CIT: variants seen among roughly 807,000 people sequenced by gnomAD.
CIT encodes citron Rho-interacting kinase.
A neutral mutation model predicts 272.7 loss-of-function variants in CIT; 79 were observed. The ratio of observed to expected loss-of-function variants is 0.29; its 90% CI spans 0.24 to 0.35. The LOEUF is 0.35. Ranked by LOEUF, CIT falls within the 10% of genes least tolerant of loss-of-function variation. CIT has a pLI of 1.00. For missense variants in CIT, 1,909 were observed against 2,618.3 expected (o/e 0.73, Z 5.91); for synonymous variants, 948 against 995.6 (o/e 0.95, Z 0.90).
At chr12:119,860,274 C>T (rs1950298316) in intron 3 of CIT, among the ~76,000 whole-genome samples, 1 of 152,148 alleles carries the variant, frequency 6.6e-6, no homozygotes, top group South Asian at 2.1e-4. Context: ...AATACACCTT[C>T]CCTTGGTCCC....
rs116401001 is a variant in CIT at position 119,873,428 on chromosome 12, C to T, written c.96+2645G>A. Among the ~76,000 whole-genome samples, 1,190 of 152,080 alleles carry T rather than the reference C, an allele frequency of 7.8e-3. 13 individuals are homozygous for T. The highest frequency in any genetic ancestry group is 0.027 in the African/African-American group (1,123 of 41,478). On this transcript the variant is annotated intron_variant, in intron 2 of 47. Transcript: ENST00000392521. ...GAGTAGCTGGGACTACAGGCACACA[C>T]CATCACAGTCAGCTATTTTTTGTGT...
rs144367821 is a variant in CIT, at chr12:119,710,561, G to A, written c.4914C>T (p.Cys1638=). Residue 1638 remains cysteine, a synonymous_variant, in exon 38 of 48, where the codon TGC becomes TGT. Transcript: ENST00000392521. This position sits in a 1 kb window ranked among gnomAD's most constrained non-coding sequence, Gnocchi z 5.6. ...LEGDDRLDMN[C]TLPFSDQVVL... is the part of the protein sequence containing the mutation. ...TTACCTGGTCACTGAAGGGCAGCGT[G>A]CAGTTCATGTCTAGACGGTCATCAC... The A allele has an allele frequency of 4.0e-5, 64 of 1,614,120 alleles. 1 individual carries two copies. Among genetic ancestry groups the A allele is most frequent in the Non-Finnish European group, 4.8e-5 (57 of 1,180,048 alleles).
chr12:119,863,318 A>G (rs1259107613), intron 3 of CIT, among the ~76,000 whole-genome samples: 1 of 152,026 alleles, frequency 6.6e-6, no homozygotes, highest in African/African-American at 2.4e-5. Context: ...GGATGAGAAC[A>G]CAAGGACACT....
intron 44 of CIT, chr12:119,699,664 CA>C (rs1414132033): frequency 1.0e-5 from 4 of 387,684 alleles, no homozygotes; most frequent in Non-Finnish European, 2.1e-5. Flanking sequence ...ACATTATGGC[CA>C]GCACTCATTG....
chr12:119,774,301 A>C (rs1963514805), intron 16 of CIT, among the ~76,000 whole-genome samples: 1 of 151,828 alleles, frequency 6.6e-6, no homozygotes, highest in Non-Finnish European at 1.5e-5. Flanking sequence ...TTTTTTTACC[A>C]CAATTTTAAA....
At position 119,822,143 on chromosome 12, in the gene CIT, A is replaced by G. The variant is rs1169341609; in HGVS notation, c.1111+677T>C. On this transcript the variant is annotated intron_variant, in intron 9 of 47. Transcript: ENST00000392521. Reference sequence around the variant, plus strand: ...CCGTGCTGATCATTCAGTAGAACACATTCAATCAACAACACATCCAAGAAT... The same window carrying G: ...CCGTGCTGATCATTCAGTAGAACACGTTCAATCAACAACACATCCAAGAAT... Among the ~76,000 whole-genome samples the G allele has an allele frequency of 2.6e-5, 4 of 152,236 alleles. No homozygotes were observed. The East Asian group carries it at 5.8e-4, about 22-fold the overall frequency.
Position 119,710,960 on chromosome 12 carries a change from C to A in CIT, c.4855-340G>T. 1 of 1,097,054 alleles carries A rather than the reference C, an allele frequency of 9.1e-7. No individual in the cohort carries two copies. The highest frequency in any genetic ancestry group is 1.9e-5 in the Admixed American group (1 of 51,726). 68.0% of individuals were successfully genotyped at this position (1,097,054 alleles called of 1,614,324 possible). A position where few individuals can be genotyped will look rare whatever the true frequency, so the allele number is the denominator to read the frequency against. On this transcript the variant is annotated intron_variant, in intron 37 of 47. Transcript: ENST00000392521. The surrounding 1 kb of genome is among the most constrained non-coding windows in gnomAD (Gnocchi z 5.6). ...TCACCTGCGCAGGGTTAATAAGACA[C>A]ATGAAAGACTCCTTCCCCCATAAGG... is the stretch of plus-strand genomic sequence containing the variant.
chr12:119,760,859 T>G, intron 20 of CIT, 80 bp downstream of exon 20: 2 of 895,594 alleles, frequency 2.2e-6, no homozygotes, highest in Non-Finnish European at 3.7e-6. Context: ...CCAGGTGAAA[T>G]AGAGTCTTAT....
At chr12:119,711,379 T>A (rs935870329) in intron 37 of CIT, among the ~76,000 whole-genome samples, 2 of 152,152 alleles carry the variant, frequency 1.3e-5, no homozygotes, top group African/African-American at 4.8e-5. Flanking sequence ...TCTAACAGCT[T>A]AAGGATAAGT....
In CIT at chr12:119,850,196, T is replaced by C; in HGVS notation, c.494A>G (p.Gln165Arg). The C allele has an allele frequency of 6.2e-7, 1 of 1,611,366 alleles. No individual in the cohort carries two copies. The highest frequency in any genetic ancestry group is 8.5e-7 in the Non-Finnish European group (1 of 1,177,628). ...CACCAGATAAAGGTGATTTTTGTCC[T>C]GAAAGGCATACTGTAATTGGGGGAT... ...PWIPQLQYAF[Q>R]DKNHLYLVME... The change falls in exon 5 of 48, where the codon CAG becomes CGG. Residue 165 changes from glutamine to arginine, a missense_variant. Gln to Arg is a conservative substitution (Grantham distance 43). Coordinates refer to ENST00000392521, the MANE Select transcript of CIT (RefSeq NM_001206999.2).
chr12:119,764,637 G>GA (rs912882193), intron 19 of CIT, among the ~76,000 whole-genome samples: 6 of 148,418 alleles, frequency 4.0e-5, no homozygotes, highest in African/African-American at 1.2e-4. Flanking sequence ...AGAAAGAAAA[G>GA]AAAAAACCTC....
At chr12:119,759,355 G>A (rs114990881) in intron 20 of CIT, among the ~76,000 whole-genome samples, 2,404 of 152,280 alleles carry the variant, frequency 0.016, 73 homozygotes, top group African/African-American at 0.056. Context: ...AATGAGAATC[G>A]AATGCCGCCA....
chr12:119,854,779 C>T (rs906053881), intron 4 of CIT, among the ~76,000 whole-genome samples: 4 of 151,664 alleles, frequency 2.6e-5, no homozygotes, highest in African/African-American at 7.3e-5. Flanking sequence ...TGAAACCCCC[C>T]CTCTGCACTA....
At chr12:119,869,225 G>C in intron 2 of CIT, 24 bp from the exon 3 acceptor site, 1 of 1,580,128 alleles carries the variant, frequency 6.3e-7, no homozygotes, top group Non-Finnish European at 8.6e-7. Context: ...ACAGCAGATG[G>C]AGACACTGTC....
chr12:119,735,598 A>G (rs898467937), intron 24 of CIT, among the ~76,000 whole-genome samples: 1 of 152,210 alleles, frequency 6.6e-6, no homozygotes, highest in Non-Finnish European at 1.5e-5. Flanking sequence ...TCTAAAAAAT[A>G]TGGCAAAAGC....
chr12:119,709,463 A>C (rs1957042775), intron 39 of CIT, among the ~76,000 whole-genome samples: 1 of 152,166 alleles, frequency 6.6e-6, no homozygotes, highest in Admixed American at 6.5e-5. Context: ...TGCTCTAAAG[A>C]ATAAAATAAG....
rs1432011973 is a variant in CIT, at chr12:119,694,519, G to A, written c.5882+3140C>T. 1.3e-5 allele frequency among the ~76,000 whole-genome samples: 2 copies of A among 152,122 alleles called. No individual in the cohort carries two copies. The highest frequency in any genetic ancestry group is 2.4e-5 in the African/African-American group (1 of 41,420). ...GCTGCCACTTGTATTAAAAAGGAGG[G>A]GTGGTTGCGTGTAGTGGCTCACACC... On this transcript the variant is annotated intron_variant, in intron 46 of 47. Transcript: ENST00000392521. The surrounding 1 kb of genome is among the most constrained non-coding windows in gnomAD (Gnocchi z 4.5).
At chr12:119,724,233 G>T (rs1484582547) in intron 28 of CIT, among the ~76,000 whole-genome samples, 6 of 152,122 alleles carry the variant, frequency 3.9e-5, no homozygotes, top group African/African-American at 1.4e-4. Flanking sequence ...ACATTGCAAG[G>T]ACTGTAAGAG....
chr12:119,810,060 T>C (rs1966809457), intron 9 of CIT, among the ~76,000 whole-genome samples: 1 of 152,208 alleles, frequency 6.6e-6, no homozygotes, highest in South Asian at 2.1e-4. Flanking sequence ...TTTCCCAAGT[T>C]CTGTGAGCAG....
Sources: allele counts gnomAD v4.1 joint callset (sites outside exome capture counted in the v4.1 genomes callset), GRCh38; gene constraint gnomAD v4.1.1; non-coding constraint Gnocchi (gnomAD v3.1); transcripts MANE v1.5; gene names NCBI Gene and HGNC (gene_info 2026-07-23, HGNC 2026-07-21).